The following CUBN variants were observed in gnomAD, a reference collection of about 807,000 sequenced individuals.
The protein encoded by CUBN is 460 kDa receptor.
Under a neutral mutation model 405.3 loss-of-function variants are expected in CUBN, and 282 were observed. The ratio of observed to expected loss-of-function variants is 0.70; its 90% CI spans 0.63 to 0.77. CUBN has a LOEUF of 0.77. Ranked by LOEUF, CUBN falls within the 30% of genes least tolerant of loss-of-function variation. The probability of loss-of-function intolerance (pLI) is 0.00; values close to 1 mark genes in which losing one functional copy is unlikely to be tolerated. For missense variants in CUBN, 4,514 were observed against 4,475.2 expected (o/e 1.01, Z -0.25); for synonymous variants, 1,684 against 1,617.0 (o/e 1.04, Z -0.99).
intron 3 of CUBN, among the ~76,000 whole-genome samples, chr10:17,127,431 A>ATT (rs71268608): frequency 0.023 from 2,001 of 85,618 alleles, 35 homozygotes; most frequent in Non-Finnish European, 0.03. Flanking sequence ...ATGCCCAGCT[A>ATT]TTTTTTTTTT....
At chr10:16,849,266 T>G (rs561340833) in intron 60 of CUBN, among the ~76,000 whole-genome samples, 1 of 152,074 alleles carries the variant, frequency 6.6e-6, no homozygotes, top group African/African-American at 2.4e-5. Context: ...GGTCTTCACA[T>G]TTATCTTTTC....
At chr10:17,106,754 G>A (rs1235245093) in intron 10 of CUBN, among the ~76,000 whole-genome samples, 7 of 152,150 alleles carry the variant, frequency 4.6e-5, no homozygotes, top group African/African-American at 1.7e-4. Flanking sequence ...TGTGTAGGCT[G>A]CCTACAGCAC....
At chr10:17,004,820 C>T (rs1833974903) in intron 28 of CUBN, among the ~76,000 whole-genome samples, 1 of 152,082 alleles carries the variant, frequency 6.6e-6, no homozygotes, top group African/African-American at 2.4e-5. Context: ...CAGGCACGCA[C>T]CACCACAGCT....
chr10:16,983,719 C>T (rs1833342933), intron 30 of CUBN, among the ~76,000 whole-genome samples: 3 of 152,308 alleles, frequency 2.0e-5, no homozygotes, highest in African/African-American at 4.8e-5. Flanking sequence ...CACCATAGAA[C>T]ACACAGTAAT....
At chr10:16,913,733 T>A in intron 48 of CUBN, 78 bp downstream of exon 48, 1 of 1,567,510 alleles carries the variant, frequency 6.4e-7, no homozygotes, top group Admixed American at 1.7e-5. Context: ...CCTGACCTAG[T>A]TTTCTGACTA....
At position 17,129,237 on chromosome 10, in the gene CUBN, T is replaced by C; in HGVS notation, c.136A>G (p.Thr46Ala). The part of the protein sequence containing the change: ...SINLQQPRMA[T>A]ERGNLVFLTG... Reference sequence around the variant, plus strand: ...AGAAACACCAAATTTCCTCTCTCTGTAGCCATTCGAGGCCTATATAATTCA... The same window carrying C: ...AGAAACACCAAATTTCCTCTCTCTGCAGCCATTCGAGGCCTATATAATTCA... The change falls in exon 2 of 67, where the codon ACA becomes GCA. Residue 46 changes from threonine to alanine, a missense_variant. Coordinates refer to ENST00000377833, the MANE Select transcript of CUBN (RefSeq NM_001081.4). 2 of 1,613,638 alleles carry C rather than the reference T, an allele frequency of 1.2e-6. No individual in the cohort carries two copies. The highest frequency in any genetic ancestry group is 1.7e-6 in the Non-Finnish European group (2 of 1,179,522).
chr10:16,859,250 T>C (rs1839947825), intron 59 of CUBN, among the ~76,000 whole-genome samples: 1 of 152,088 alleles, frequency 6.6e-6, no homozygotes, highest in Non-Finnish European at 1.5e-5. Flanking sequence ...TGATTGAGAA[T>C]AGATAAAAAG....
intron 33 of CUBN, among the ~76,000 whole-genome samples, chr10:16,951,473 A>C (rs7893507): frequency 0.68 from 103,829 of 152,042 alleles, 36,129 homozygotes; most frequent in African/African-American, 0.82. Flanking sequence ...GAACTTAAAG[A>C]CTTTCCTACA....
intron 55 of CUBN, 49 bp from the exon 56 acceptor site, chr10:16,888,615 C>A (rs760956732): frequency 1.3e-6 from 2 of 1,552,186 alleles, no homozygotes; most frequent in African/African-American, 2.7e-5. Context: ...TCTCGTGTAT[C>A]TATTTTGTCC....
intron 66 of CUBN, among the ~76,000 whole-genome samples, chr10:16,828,479 A>G (rs1383838815): frequency 6.6e-6 from 1 of 152,162 alleles, no homozygotes; most frequent in Non-Finnish European, 1.5e-5. Flanking sequence ...ACACTTTCGG[A>G]GGCCCAAGCG....
At chr10:17,005,614 G>A (rs1012598580) in intron 28 of CUBN, among the ~76,000 whole-genome samples, 5 of 152,152 alleles carry the variant, frequency 3.3e-5, no homozygotes, top group African/African-American at 1.2e-4. Context: ...AAATGTCAAA[G>A]CTGCCTGGAG....
intron 22 of CUBN, among the ~76,000 whole-genome samples, chr10:17,056,128 G>A (rs1588615165): frequency 6.6e-6 from 1 of 152,094 alleles, no homozygotes; most frequent in South Asian, 2.1e-4. Context: ...ATGAACACAG[G>A]CAGGTGATTT....
At position 16,904,123 on chromosome 10, in the gene CUBN, A is replaced by C; in HGVS notation, c.7913-8T>G. ...GGGGCCCATCAGCATCACCTGAACA[A>C]AATAATATACCAAGTGCCATCATTG... On this transcript the variant is annotated splice_region_variant and splice_polypyrimidine_tract_variant and intron_variant, in intron 50 of 66. Transcript: ENST00000377833. 1 of 1,613,504 alleles carries C rather than the reference A, an allele frequency of 6.2e-7. No individual in the cohort carries two copies. Among genetic ancestry groups the C allele is most frequent in the Non-Finnish European group, 8.5e-7 (1 of 1,179,468 alleles).
chr10:16,932,495 T>C (rs1170206418), intron 40 of CUBN, among the ~76,000 whole-genome samples: 1 of 146,166 alleles, frequency 6.8e-6, no homozygotes, highest in Non-Finnish European at 1.5e-5. Flanking sequence ...CATGCCTGTG[T>C]ACAAAGGAAA....
chr10:17,050,030 G>C (rs539935205), intron 22 of CUBN, among the ~76,000 whole-genome samples: 31 of 152,218 alleles, frequency 2.0e-4, no homozygotes, highest in Middle Eastern at 3.4e-3. Flanking sequence ...TGGAAACGAA[G>C]GGGACTGGTA....
chr10:16,925,896 C>T, intron 41 of CUBN, 122 bp from the exon 42 acceptor site: 1 of 817,102 alleles, frequency 1.2e-6, no homozygotes, highest in South Asian at 1.4e-5. Context: ...AAAATAAAGC[C>T]AGAGTGCAGG....
chr10:16,940,849 C>A (rs1454721311), intron 36 of CUBN, among the ~76,000 whole-genome samples: 3 of 152,200 alleles, frequency 2.0e-5, no homozygotes, highest in African/African-American at 4.8e-5. Flanking sequence ...ATGATGGGAT[C>A]ATTTAGGTGG....
Position 16,906,434 on chromosome 10 carries a change from A to G in CUBN, c.7706-25T>C, listed in dbSNP as rs781169737. On this transcript the variant is annotated intron_variant, in intron 49 of 66. Transcript: ENST00000377833. Reference sequence around the variant, plus strand: ...ACTAAGAAAACAGAAGGCAACAGAGAAAGTAGTAGTAAGATTCAGGCCACA... The same window carrying G: ...ACTAAGAAAACAGAAGGCAACAGAGGAAGTAGTAGTAAGATTCAGGCCACA... 4 of 1,521,514 alleles carry G rather than the reference A, an allele frequency of 2.6e-6. No individual in the cohort carries two copies. The Admixed American group carries it at 6.7e-5, about 25-fold the overall frequency. The allele number at this position is 1,521,514 out of a possible 1,614,324, so 94.3% of individuals were successfully genotyped here.
rs1365388083 is a variant in CUBN, at chr10:16,914,544, G to C, written c.7351+488C>G. ...ACTGCCCTCCAGCCTGGACAACAGA[G>C]CGAGACACTGTCTCAGAAAAGAAAA... On this transcript the variant is annotated intron_variant, in intron 47 of 66. Transcript: ENST00000377833. 2.0e-5 allele frequency among the ~76,000 whole-genome samples: 3 copies of C among 151,516 alleles called. No homozygotes were observed. The South Asian group carries it at 6.2e-4, about 32-fold the overall frequency.
Sources: allele counts gnomAD v4.1 joint callset (sites outside exome capture counted in the v4.1 genomes callset), GRCh38; gene constraint gnomAD v4.1.1; transcripts MANE v1.5; gene names NCBI Gene and HGNC (gene_info 2026-07-23, HGNC 2026-07-21).